PAAF1: variants seen among roughly 807,000 people sequenced by gnomAD.
PAAF1 encodes proteasomal ATPase associated factor 1.
PAAF1 carries 46 observed loss-of-function variants against 52.8 expected under a neutral mutation model. The ratio of observed to expected loss-of-function variants is 0.87; its 90% CI spans 0.69 to 1.11. The LOEUF (loss-of-function observed/expected upper bound fraction) is 1.11, where lower values mean the gene tolerates loss of function less well. Among genes scored for constraint, PAAF1 ranks in the 50% most tolerant of loss-of-function variants. The pLI, the probability that PAAF1 is intolerant of heterozygous loss-of-function variation, is 0.00. For missense variants in PAAF1, 424 were observed against 477.4 expected (o/e 0.89, Z 1.04); for synonymous variants, 178 against 172.8 (o/e 1.03, Z -0.24).
At position 73,900,359 on chromosome 11, in the gene PAAF1, G is replaced by T; in HGVS notation, c.471G>T (p.Gln157His). The part of the protein sequence containing the change: ...LVVLSGGMDA[Q>H]LKIWSAEDAS... Reference sequence around the variant, plus strand: ...TCCTGAGTGGGGGAATGGATGCCCAGCTGAAGATATGGTCAGCTGAAGATG... The same window carrying T: ...TCCTGAGTGGGGGAATGGATGCCCATCTGAAGATATGGTCAGCTGAAGATG... The change falls in exon 6 of 12, where the codon CAG becomes CAT. Residue 157 changes from glutamine to histidine, a missense_variant. Coordinates refer to ENST00000310571, the MANE Select transcript of PAAF1 (RefSeq NM_025155.3). The T allele has an allele frequency of 1.2e-6, 2 of 1,612,774 alleles. No individual in the cohort carries two copies. The highest frequency in any genetic ancestry group is 1.7e-6 in the Non-Finnish European group (2 of 1,179,048).
intron 3 of PAAF1, among the ~76,000 whole-genome samples, chr11:73,890,567 A>G (rs1354159794): frequency 6.6e-6 from 1 of 152,196 alleles, no homozygotes; most frequent in East Asian, 1.9e-4. Context: ...TACATATTTT[A>G]TGGGTGTACC....
At chr11:73,889,091 G>A (rs1407444514) in intron 3 of PAAF1, 9 of 921,998 alleles carry the variant, frequency 9.8e-6, no homozygotes, top group Non-Finnish European at 1.5e-5. Context: ...TCCAAGTTTA[G>A]CACTACCATG....
chr11:73,900,082 A>C (rs889035471), intron 5 of PAAF1, among the ~76,000 whole-genome samples, 188 bp from the exon 6 acceptor site: 2 of 152,052 alleles, frequency 1.3e-5, no homozygotes, highest in African/African-American at 4.8e-5. Flanking sequence ...GAATTCGAGG[A>C]AACACCTTTT....
intron 7 of PAAF1, among the ~76,000 whole-genome samples, chr11:73,912,220 C>T (rs1949952628): frequency 6.6e-6 from 1 of 152,186 alleles, no homozygotes; most frequent in Non-Finnish European, 1.5e-5. Context: ...CTCATCTGTT[C>T]TATAGCTATC....
chr11:73,924,539 C>G (rs1950303402), intron 10 of PAAF1, 76 bp from the exon 11 acceptor site: 3 of 1,227,600 alleles, frequency 2.4e-6, no homozygotes, highest in Non-Finnish European at 2.4e-6. Flanking sequence ...TCTACAGAAG[C>G]AAATAAAAAT....
intron 3 of PAAF1, chr11:73,889,375 T>C (rs1457450382): frequency 1.8e-6 from 1 of 541,828 alleles, no homozygotes; most frequent in African/African-American, 1.9e-5. Flanking sequence ...CCCTGGAGCA[T>C]AAAAATGTTT....
At chr11:73,917,715 T>G (rs1950103810) in intron 9 of PAAF1, among the ~76,000 whole-genome samples, 1 of 151,900 alleles carries the variant, frequency 6.6e-6, no homozygotes, top group African/African-American at 2.4e-5. Flanking sequence ...CTACTAAAAA[T>G]ACAAAAATTA....
At chr11:73,896,869 C>T (rs1442655363) in intron 4 of PAAF1, among the ~76,000 whole-genome samples, 4 of 144,254 alleles carry the variant, frequency 2.8e-5, no homozygotes, top group Admixed American at 6.8e-5. Context: ...TCCCAGTAGG[C>T]GCGGCCAGGC....
chr11:73,876,891 G>GA (rs561262144), upstream of PAAF1: 161 of 908,932 alleles, frequency 1.8e-4, no homozygotes, highest in East Asian at 3.7e-3. Flanking sequence ...AAGGGGCGGG[G>GA]AATGTGAAAA....
At chr11:73,909,881 T>C (rs764997700) in intron 7 of PAAF1, among the ~76,000 whole-genome samples, 3 of 152,172 alleles carry the variant, frequency 2.0e-5, no homozygotes, top group Non-Finnish European at 4.4e-5. Flanking sequence ...CTGGGCCACA[T>C]TGGAAGACTT....
At chr11:73,899,108 A>C in intron 4 of PAAF1, 38 bp from the exon 5 acceptor site, 1 of 1,497,830 alleles carries the variant, frequency 6.7e-7, no homozygotes, top group Non-Finnish European at 9.3e-7. Context: ...AGAGTATTTC[A>C]TTATTTCTAA....
chr11:73,913,754 A>G lies in PAAF1; in HGVS notation c.728-659A>G, dbSNP rs368394522. On this transcript the variant is annotated intron_variant, in intron 7 of 11. Coordinates refer to ENST00000310571, the MANE Select transcript of PAAF1 (RefSeq NM_025155.3). ...CTGATACATAGTAGGCCCTAAAGAA[A>G]TATTTGGTGAGTAAATGAATAAATT... 2.2e-4 allele frequency among the ~76,000 whole-genome samples: 34 copies of G among 152,332 alleles called. 3 individuals are homozygous for G. The highest frequency in any genetic ancestry group is 1.2e-3 in the Admixed American group (19 of 15,298).
intron 2 of PAAF1, among the ~76,000 whole-genome samples, chr11:73,884,942 T>C (rs1405795964): frequency 1.4e-5 from 2 of 141,124 alleles, no homozygotes; most frequent in Admixed American, 7.1e-5. Flanking sequence ...TCACTGCAAG[T>C]TCCGCCTCCC....
chr11:73,918,728 G>T lies in PAAF1; in HGVS notation c.936-222G>T, dbSNP rs559897465. ...TGTCATACCTACCTTAAAAACTCAGGATTTGGGTGGTGACTTAGTTCATGT... is the reference window on the plus strand; with the variant it reads ...TGTCATACCTACCTTAAAAACTCAGTATTTGGGTGGTGACTTAGTTCATGT... On this transcript the variant is annotated intron_variant, in intron 9 of 11. Coordinates refer to ENST00000310571, the MANE Select transcript of PAAF1 (RefSeq NM_025155.3). Among the ~76,000 whole-genome samples the T allele has an allele frequency of 1.5e-3, 233 of 152,048 alleles. 1 individual carries two copies. The highest frequency in any genetic ancestry group is 2.7e-3 in the Admixed American group (41 of 15,268).
At chr11:73,899,306 C>T in intron 5 of PAAF1, 62 bp downstream of exon 5, 2 of 1,265,896 alleles carry the variant, frequency 1.6e-6, no homozygotes, top group Non-Finnish European at 2.3e-6. Context: ...AAGCCTTGGA[C>T]TGGGACATGG....
At chr11:73,877,165 T>C (rs946594584) in intron 1 of PAAF1, 97 bp downstream of exon 1, 1 of 1,258,744 alleles carries the variant, frequency 7.9e-7, no homozygotes, top group Middle Eastern at 2.0e-4. Flanking sequence ...CAATAGGGGT[T>C]ACTTCGTCAA....
intron 6 of PAAF1, among the ~76,000 whole-genome samples, chr11:73,904,553 C>T (rs750308761): frequency 1.3e-5 from 2 of 152,062 alleles, no homozygotes; most frequent in African/African-American, 4.8e-5. Flanking sequence ...TCAGCACTTG[C>T]GCCATTATTT....
chr11:73,902,977 C>T (rs546936441), intron 6 of PAAF1, among the ~76,000 whole-genome samples: 32 of 152,314 alleles, frequency 2.1e-4, no homozygotes, highest in Admixed American at 4.6e-4. Flanking sequence ...GGATTACAGG[C>T]GTGAGCCACT....
chr11:73,879,689 G>GCC (rs1565122405), intron 2 of PAAF1: 1 of 145,374 alleles, frequency 6.9e-6, no homozygotes, highest in Non-Finnish European at 1.5e-5. Context: ...AACAAAGTGA[G>GCC]ACCCCCTCCC....
Sources: gnomAD v4.1 joint callset for allele counts (sites outside exome capture counted in the v4.1 genomes callset) on GRCh38, gnomAD v4.1.1 for gene constraint, MANE v1.5 for transcripts, NCBI Gene and HGNC (gene_info 2026-07-23, HGNC 2026-07-21) for gene names.